AK4: variants seen among roughly 807,000 people sequenced by gnomAD.
AK4 encodes the protein adenylate kinase 4, also known as adenylate kinase 4, mitochondrial.
A neutral mutation model predicts 24.6 loss-of-function variants in AK4; 13 were observed. The observed-to-expected ratio is 0.53, with a 90% CI of 0.34 to 0.84. The LOEUF (loss-of-function observed/expected upper bound fraction) is 0.84. AK4 is among the 40% of genes least tolerant of loss of function. The probability of loss-of-function intolerance (pLI) is 0.01; values close to 1 mark genes in which losing one functional copy is unlikely to be tolerated. For synonymous variants in AK4, 88 were observed against 107.0 expected (o/e 0.82, Z 1.10); for missense variants, 192 against 288.2 (o/e 0.67, Z 2.42).
chr1:65,164,972 G>T (rs897715260), intron 1 of AK4, among the ~76,000 whole-genome samples: 1 of 152,196 alleles, frequency 6.6e-6, no homozygotes, highest in Non-Finnish European at 1.5e-5. Flanking sequence ...AGACAAATGG[G>T]TAGACTTTAA....
chr1:65,185,225 G>A (rs1347067012), intron 1 of AK4, among the ~76,000 whole-genome samples: 1 of 152,072 alleles, frequency 6.6e-6, no homozygotes, highest in Admixed American at 6.6e-5. Context: ...ACCCATGTAG[G>A]CACGTAAGGC....
At chr1:65,152,356 C>CTATATATA (rs1649809872) in intron 1 of AK4, among the ~76,000 whole-genome samples, 5 of 33,896 alleles carry the variant, frequency 1.5e-4, no homozygotes, top group East Asian at 1.1e-3. Flanking sequence ...CTCTCTCTCT[C>CTATATATA]TCTCTATATA....
chr1:65,179,645 C>T (rs563955933), intron 1 of AK4, among the ~76,000 whole-genome samples: 9 of 152,144 alleles, frequency 5.9e-5, no homozygotes, highest in East Asian at 3.9e-4. Context: ...TTGAGACCAA[C>T]GTGGGTAACA....
intron 1 of AK4, among the ~76,000 whole-genome samples, chr1:65,160,384 A>G (rs913020094): frequency 6.6e-6 from 1 of 152,200 alleles, no homozygotes; most frequent in East Asian, 1.9e-4. Flanking sequence ...GGCAGAAAGG[A>G]TGGAGGAGGA....
At chr1:65,172,078 TA>T in intron 1 of AK4, among the ~76,000 whole-genome samples, 1 of 94,848 alleles carries the variant, frequency 1.1e-5, no homozygotes, top group Non-Finnish European at 2.2e-5. Flanking sequence ...TATATATATA[TA>T]TATATATATA....
chr1:65,220,699 C>T (rs112343976), intron 3 of AK4, among the ~76,000 whole-genome samples: 2 of 152,300 alleles, frequency 1.3e-5, no homozygotes, highest in African/African-American at 4.8e-5. Context: ...TGGTCTCGAA[C>T]CCCTGATCTC....
At chr1:65,219,198 A>G (rs1393904117) in intron 3 of AK4, among the ~76,000 whole-genome samples, 1 of 151,268 alleles carries the variant, frequency 6.6e-6, no homozygotes, top group Non-Finnish European at 1.5e-5. Context: ...TATACAATGT[A>G]TATAATTATA....
chr1:65,160,306 A>G (rs887946389), intron 1 of AK4, among the ~76,000 whole-genome samples: 3 of 152,210 alleles, frequency 2.0e-5, no homozygotes, highest in African/African-American at 7.2e-5. Context: ...AGGTGCTGGC[A>G]GGTTTGGTGT....
At chr1:65,183,432 G>T (rs1049873040) in intron 1 of AK4, among the ~76,000 whole-genome samples, 37 of 151,948 alleles carry the variant, frequency 2.4e-4, no homozygotes, top group African/African-American at 8.7e-4. Context: ...TTGTATTTTT[G>T]GGGGTTTTGC....
chr1:65,194,662 A>G (rs1445757644), intron 2 of AK4, among the ~76,000 whole-genome samples: 9 of 152,196 alleles, frequency 5.9e-5, no homozygotes, highest in Admixed American at 5.2e-4. Context: ...GGGTTTCACC[A>G]TGGTGGCCAG....
intron 1 of AK4, among the ~76,000 whole-genome samples, chr1:65,171,253 CTTT>C (rs562201269): frequency 8.6e-6 from 1 of 116,404 alleles, no homozygotes; most frequent in Non-Finnish European, 1.8e-5. Flanking sequence ...AATTATAGGC[CTTT>C]TTTTTTTTTT....
chr1:65,153,068 A>G (rs932496314), intron 1 of AK4, among the ~76,000 whole-genome samples: 1 of 152,196 alleles, frequency 6.6e-6, no homozygotes, highest in African/African-American at 2.4e-5. Context: ...GCACAGGTCA[A>G]GCAAGGGTCT....
intron 4 of AK4, among the ~76,000 whole-genome samples, chr1:65,225,492 G>A (rs1364512329): frequency 2.6e-5 from 4 of 152,162 alleles, no homozygotes; most frequent in Non-Finnish European, 5.9e-5. Context: ...TTTTCTGTGT[G>A]TATGTGTGTG....
At chr1:65,156,665 T>C (rs1426826625) in intron 1 of AK4, among the ~76,000 whole-genome samples, 1 of 152,136 alleles carries the variant, frequency 6.6e-6, no homozygotes, top group African/African-American at 2.4e-5. Flanking sequence ...GGCTCATGCC[T>C]GTAATCCCAG....
At chr1:65,207,055 T>G (rs991636944) in intron 2 of AK4, among the ~76,000 whole-genome samples, 16 of 152,244 alleles carry the variant, frequency 1.1e-4, no homozygotes, top group Admixed American at 6.5e-4. Context: ...GGAATTTATC[T>G]TTTATTTCCC....
rs1160160335 is a variant in AK4 at position 65,162,832 on chromosome 1, G to C, written c.145+14280G>C. ...CCATTTCCCCCTTGCCCCAGCCCTAGGCAGTTACTACTCTAGTTCTGTTTG... is the reference window on the plus strand; with the variant it reads ...CCATTTCCCCCTTGCCCCAGCCCTACGCAGTTACTACTCTAGTTCTGTTTG... On this transcript the variant is annotated intron_variant, in intron 1 of 4. Transcript: ENST00000327299. Among the ~76,000 whole-genome samples, 3 of 152,156 alleles carry C rather than the reference G, an allele frequency of 2.0e-5. No individual in the cohort carries two copies. The East Asian group carries it at 5.8e-4, about 29-fold the overall frequency.
At chr1:65,225,386 A>G (rs1463396564) in intron 4 of AK4, among the ~76,000 whole-genome samples, 1 of 152,196 alleles carries the variant, frequency 6.6e-6, no homozygotes, top group African/African-American at 2.4e-5. Context: ...GTCAAGCTAG[A>G]CAGTTGAGTG....
At chr1:65,205,569 C>T (rs190515419) in intron 2 of AK4, among the ~76,000 whole-genome samples, 66 of 152,182 alleles carry the variant, frequency 4.3e-4, no homozygotes, top group Middle Eastern at 3.4e-3. Flanking sequence ...TTTTTTTCAC[C>T]CCGTATAGAC....
intron 2 of AK4, among the ~76,000 whole-genome samples, chr1:65,202,288 T>A (rs1040742581): frequency 3.3e-5 from 5 of 152,140 alleles, no homozygotes; most frequent in African/African-American, 1.2e-4. Context: ...TTCCAGCTAC[T>A]CAGGAGACTG....
Sources: allele counts gnomAD v4.1 joint callset (sites outside exome capture counted in the v4.1 genomes callset), GRCh38; gene constraint gnomAD v4.1.1; transcripts MANE v1.5; gene names NCBI Gene and HGNC (gene_info 2026-07-23, HGNC 2026-07-21).